VPS13A: variants seen among roughly 807,000 people sequenced by gnomAD.
VPS13A encodes the protein intermembrane lipid transfer protein VPS13A.
Under a neutral mutation model 390.9 loss-of-function variants are expected in VPS13A, and 264 were observed. The observed-to-expected ratio is 0.68, with a 90% CI of 0.61 to 0.75. VPS13A has a LOEUF of 0.75. VPS13A is among the 30% of genes least tolerant of loss of function. VPS13A has a pLI of 0.00. For synonymous variants in VPS13A, 1,231 were observed against 1,227.1 expected (o/e 1.00, Z -0.07); for missense variants, 3,409 against 3,733.9 (o/e 0.91, Z 2.27).
At chr9:77,350,828 G>A (rs767340624) in intron 52 of VPS13A, 18 of 170,672 alleles carry the variant, frequency 1.1e-4, no homozygotes, top group Non-Finnish European at 1.9e-4. Flanking sequence ...TTACTTGTTT[G>A]GTTTATAACT....
rs374897169 is a variant in VPS13A, at chr9:77,339,494, GTT to G, written c.6379-9_6379-8del. ...TCTGCAACATTTTAAATTTTGTTTT[GTT>G]TTTTTTTTTTTTATTACAGGGAATT... On this transcript the variant is annotated intron_variant, in intron 47 of 71. Coordinates refer to ENST00000360280, the MANE Select transcript of VPS13A (RefSeq NM_033305.3). 2.4e-4 allele frequency: 325 copies of G among 1,339,402 alleles called. No homozygotes were observed. Among genetic ancestry groups the G allele is most frequent in the Non-Finnish European group, 2.6e-4 (259 of 1,005,522 alleles). The allele number at this position is 1,339,402 out of a possible 1,614,324, so 83.0% of individuals were successfully genotyped here.
chr9:77,381,774 A>G (rs1455996347), intron 67 of VPS13A, among the ~76,000 whole-genome samples: 1 of 152,296 alleles, frequency 6.6e-6, no homozygotes, highest in South Asian at 2.1e-4. Flanking sequence ...TCACAAAGAA[A>G]GTTCTAGAGA....
At chr9:77,184,676 T>C (rs903523201) in intron 1 of VPS13A, among the ~76,000 whole-genome samples, 4 of 151,712 alleles carry the variant, frequency 2.6e-5, no homozygotes. Context: ...CTGCATCTAT[T>C]ACTATTATCA....
At chr9:77,207,231 AT>A (rs1564630214) in intron 5 of VPS13A, among the ~76,000 whole-genome samples, 5 of 97,358 alleles carry the variant, frequency 5.1e-5, no homozygotes, top group South Asian at 3.4e-4. Flanking sequence ...ATATATATAT[AT>A]ATATATATAT....
intron 26 of VPS13A, among the ~76,000 whole-genome samples, chr9:77,278,111 C>T (rs1320192370): frequency 6.6e-6 from 1 of 151,946 alleles, no homozygotes; most frequent in African/African-American, 2.4e-5. Flanking sequence ...CGCTCTGTTG[C>T]CCAGGCTGGA....
intron 17 of VPS13A, among the ~76,000 whole-genome samples, chr9:77,234,918 A>G (rs1486927340): frequency 1.3e-5 from 2 of 152,182 alleles, no homozygotes; most frequent in East Asian, 1.9e-4. Flanking sequence ...CTTAACTTTA[A>G]TAGTGTATAA....
At chr9:77,292,604 G>C (rs980897826) in intron 31 of VPS13A, among the ~76,000 whole-genome samples, 12 of 152,116 alleles carry the variant, frequency 7.9e-5, no homozygotes, top group Non-Finnish European at 1.6e-4. Flanking sequence ...CTCTGGTTCT[G>C]GAGGATTCTT....
intron 5 of VPS13A, among the ~76,000 whole-genome samples, chr9:77,207,727 C>A (rs756304910): frequency 6.6e-6 from 1 of 152,180 alleles, no homozygotes; most frequent in East Asian, 1.9e-4. Flanking sequence ...GGGGACCTAA[C>A]TTAACTGCTC....
chr9:77,310,923 T>C (rs1264482354), intron 35 of VPS13A, among the ~76,000 whole-genome samples: 1 of 152,026 alleles, frequency 6.6e-6, no homozygotes, highest in Admixed American at 6.6e-5. Flanking sequence ...TCACCCACTT[T>C]CACTAATTTT....
intron 52 of VPS13A, among the ~76,000 whole-genome samples, chr9:77,348,052 G>C (rs1429570612): frequency 2.0e-5 from 3 of 152,122 alleles, no homozygotes; most frequent in Non-Finnish European, 4.4e-5. Flanking sequence ...AACCATTGTG[G>C]AAGACAGTGT....
intron 53 of VPS13A, 80 bp downstream of exon 53, chr9:77,351,526 G>C: frequency 6.5e-7 from 1 of 1,550,332 alleles, no homozygotes; most frequent in Non-Finnish European, 8.8e-7. Flanking sequence ...GCTCACGCCT[G>C]TAATCCCAGC....
At chr9:77,260,351 C>CTTT (rs750675055) in intron 23 of VPS13A, 127 bp downstream of exon 23, 407 of 375,652 alleles carry the variant, frequency 1.1e-3, no homozygotes, top group Non-Finnish European at 1.3e-3. Context: ...AAGAAAATTA[C>CTTT]TTTTTTTTTT....
intron 33 of VPS13A, among the ~76,000 whole-genome samples, chr9:77,301,698 G>GGTTCAATT (rs1191251457): frequency 6.6e-6 from 1 of 152,072 alleles, no homozygotes; most frequent in Non-Finnish European, 1.5e-5. Context: ...TACTTGAAGG[G>GGTTCAATT]GTTCAATTGA....
chr9:77,391,448 C>A (rs922748035), intron 68 of VPS13A, among the ~76,000 whole-genome samples: 3 of 152,062 alleles, frequency 2.0e-5, no homozygotes, highest in Non-Finnish European at 4.4e-5. Context: ...AATTTAATGC[C>A]ATCTATTAAA....
chr9:77,391,791 G>A (rs893102911), intron 68 of VPS13A, among the ~76,000 whole-genome samples: 3 of 152,114 alleles, frequency 2.0e-5, no homozygotes, highest in Non-Finnish European at 4.4e-5. Context: ...TATATGGATA[G>A]ATATAGATAT....
intron 61 of VPS13A, among the ~76,000 whole-genome samples, chr9:77,367,212 A>G (rs1832481718): frequency 6.6e-6 from 1 of 152,222 alleles, no homozygotes; most frequent in Non-Finnish European, 1.5e-5. Flanking sequence ...AATAGGAATA[A>G]GACTCTTCAA....
At position 77,370,474 on chromosome 9, in the gene VPS13A, A is replaced by G. The variant is rs772029827; in HGVS notation, c.8803A>G (p.Met2935Val). ...TGCTATGGCTAAGGGGGTAGCAGCTATGACCATGGATGAAGACTACCAACA... is the reference window on the plus strand; with the variant it reads ...TGCTATGGCTAAGGGGGTAGCAGCTGTGACCATGGATGAAGACTACCAACA... ...TGAMAKGVAA[M>V]TMDEDYQQKR... The change falls in exon 65 of 72, where the codon ATG (methionine) becomes GTG (valine). Residue 2935 changes from methionine (M) to valine (V), a missense_variant. This residue lies in a region of VPS13A where 318 missense variants were observed against 333.7 expected (regional missense o/e 0.95). Coordinates refer to ENST00000360280, the MANE Select transcript of VPS13A (RefSeq NM_033305.3). 9 of 1,614,204 alleles carry G rather than the reference A, an allele frequency of 5.6e-6. No individual in the cohort carries two copies. The highest frequency in any genetic ancestry group is 5.5e-5 in the South Asian group (5 of 91,086).
At chr9:77,241,436 C>CT (rs200979725) in intron 19 of VPS13A, among the ~76,000 whole-genome samples, 48,172 of 128,586 alleles carry the variant, frequency 0.37, 8,817 homozygotes, top group East Asian at 0.54. Flanking sequence ...TTACACTTGT[C>CT]TTTTTTTTTT....
intron 31 of VPS13A, 101 bp downstream of exon 31, chr9:77,283,751 A>G (rs1012060857): frequency 2.1e-6 from 2 of 944,158 alleles, no homozygotes; most frequent in Non-Finnish European, 3.2e-6. Context: ...ATTTAGTAGT[A>G]TGGCTTATTA....
Sources: gnomAD v4.1 joint callset for allele counts (sites outside exome capture counted in the v4.1 genomes callset) on GRCh38, gnomAD v4.1.1 for gene constraint, gnomAD v4.1.1 regional missense constraint, MANE v1.5 for transcripts, NCBI Gene and HGNC (gene_info 2026-07-23, HGNC 2026-07-21) for gene names.